The following EFCAB5 variants were observed in gnomAD, a reference collection of about 807,000 sequenced individuals.
EFCAB5 encodes the protein EF-hand calcium binding domain 5.
Under a neutral mutation model 167.9 loss-of-function variants are expected in EFCAB5, and 131 were observed. The observed-to-expected ratio is 0.78, with a 90% confidence interval of 0.68 to 0.90. EFCAB5 has a LOEUF of 0.90. Among genes scored for constraint, EFCAB5 ranks in the 40% least tolerant of loss-of-function variants. The pLI is 0.00. For missense variants in EFCAB5, 1,663 were observed against 1,745.2 expected, an observed-to-expected ratio of 0.95 and a Z score of 0.84; for synonymous variants, 574 against 602.8, an observed-to-expected ratio of 0.95 and a Z score of 0.70.
chr17:30,047,983 G>T (rs1184381292), intron 8 of EFCAB5, among the ~76,000 whole-genome samples: 1 of 152,166 alleles, frequency 6.6e-6, no homozygotes, highest in Non-Finnish European at 1.5e-5. Flanking sequence ...CCATTTATTA[G>T]GGTAAATATG....
At chr17:29,966,607 C>T (rs1379633030) in intron 3 of EFCAB5, among the ~76,000 whole-genome samples, 1 of 152,106 alleles carries the variant, frequency 6.6e-6, no homozygotes, top group Non-Finnish European at 1.5e-5. Flanking sequence ...TGATGTGTTA[C>T]TGTTGATGTT....
At chr17:29,989,086 C>A (rs1191528908) in intron 4 of EFCAB5, among the ~76,000 whole-genome samples, 1 of 152,120 alleles carries the variant, frequency 6.6e-6, no homozygotes. Flanking sequence ...AGGTCGTATC[C>A]AATTAATGTC....
At chr17:30,037,786 T>C (rs560051657) in intron 8 of EFCAB5, among the ~76,000 whole-genome samples, 77 of 152,088 alleles carry the variant, frequency 5.1e-4, no homozygotes, top group Non-Finnish European at 1.0e-3. Context: ...AAAATACACA[T>C]GCAAAGAAAA....
intron 4 of EFCAB5, among the ~76,000 whole-genome samples, chr17:29,985,682 T>C (rs768668657): frequency 6.6e-6 from 1 of 152,238 alleles, no homozygotes; most frequent in Non-Finnish European, 1.5e-5. Context: ...AAGGCACAGA[T>C]CGCTTATGCT....
chr17:29,960,117 C>T (rs372058001), intron 3 of EFCAB5, among the ~76,000 whole-genome samples: 13 of 152,124 alleles, frequency 8.5e-5, no homozygotes, highest in African/African-American at 3.1e-4. Flanking sequence ...GGCAACACTG[C>T]GTGACAATGC....
At position 30,078,319 on chromosome 17, in the gene EFCAB5, G is replaced by A. The variant is rs781329816; in HGVS notation, c.2842G>A (p.Gly948Ser). The change falls in exon 15 of 23, where the codon GGC (glycine) becomes AGC (serine). Residue 948 changes from glycine (G) to serine (S), a missense_variant. Gly to Ser is a moderately conservative substitution (Grantham distance 56). Transcript: ENST00000394835. ...YIELVVSELR[G>S]NEDQVLESVV... ...AGAATTGGTTGTGTCTGAACTCAGG[G>A]GCAATGAAGACCAAGTTCTGGAAAG... 6.2e-7 allele frequency: 1 copy of A among 1,613,972 alleles called. No homozygotes were observed. The highest frequency in any genetic ancestry group is 1.1e-5 in the South Asian group (1 of 91,086).
At chr17:29,944,206 G>T (rs1312378375) in intron 3 of EFCAB5, among the ~76,000 whole-genome samples, 2 of 151,850 alleles carry the variant, frequency 1.3e-5, no homozygotes, top group African/African-American at 2.4e-5. Flanking sequence ...CTCCAGAGTT[G>T]CTGGGACTAT....
At chr17:29,932,898 C>T (rs2067214166) in intron 1 of EFCAB5, among the ~76,000 whole-genome samples, 1 of 152,130 alleles carries the variant, frequency 6.6e-6, no homozygotes, top group Admixed American at 6.5e-5. Context: ...ACAAAATTCA[C>T]ATTGTTTGTA....
At chr17:29,993,926 C>T (rs573090717) in intron 5 of EFCAB5, among the ~76,000 whole-genome samples, 3 of 151,372 alleles carry the variant, frequency 2.0e-5, no homozygotes, top group African/African-American at 4.8e-5. Flanking sequence ...CGAGACCAGC[C>T]TAGGCAATAT....
intron 7 of EFCAB5, among the ~76,000 whole-genome samples, chr17:30,032,963 T>TA (rs1207325131): frequency 6.6e-6 from 1 of 152,164 alleles, no homozygotes; most frequent in African/African-American, 2.4e-5. Flanking sequence ...TGAATGGCCT[T>TA]AAGTGTTCCC....
intron 12 of EFCAB5, among the ~76,000 whole-genome samples, chr17:30,057,357 G>A (rs1412236221): frequency 6.6e-6 from 1 of 152,164 alleles, no homozygotes; most frequent in African/African-American, 2.4e-5. Context: ...GTCCCTAATA[G>A]TTCTTCCAAA....
At chr17:29,986,496 A>G (rs1009958736) in intron 4 of EFCAB5, among the ~76,000 whole-genome samples, 4 of 152,200 alleles carry the variant, frequency 2.6e-5, no homozygotes, top group Admixed American at 2.0e-4. Context: ...ATGATTCCAT[A>G]GGAATCGTTG....
At chr17:29,938,660 C>T (rs1006848562), upstream of EFCAB5, among the ~76,000 whole-genome samples, 1 of 152,236 alleles carries the variant, frequency 6.6e-6, no homozygotes, top group Admixed American at 6.5e-5. Context: ...TTCACAGTGT[C>T]TTCACCAGGA....
chr17:30,106,806 T>C (rs1360527392), intron 22 of EFCAB5, among the ~76,000 whole-genome samples: 2 of 152,156 alleles, frequency 1.3e-5, no homozygotes, highest in African/African-American at 4.8e-5. Context: ...TTCACATATA[T>C]TTTCTCAGCC....
chr17:30,053,242 T>G lies in EFCAB5; in HGVS notation c.1301-13T>G, dbSNP rs957241850. 1.3e-6 allele frequency: 2 copies of G among 1,569,662 alleles called. No individual in the cohort carries two copies. The highest frequency in any genetic ancestry group is 1.7e-6 in the Non-Finnish European group (2 of 1,159,602). On this transcript the variant is annotated splice_polypyrimidine_tract_variant and intron_variant, in intron 9 of 22. Transcript: ENST00000394835. ...ATCAATGGTTTAAGTGAATATTTTG[T>G]TTTCTGCATTAGGGCCATTCATTGA...
intron 4 of EFCAB5, among the ~76,000 whole-genome samples, chr17:29,970,655 CACACACACACACAT>C (rs1181285520): frequency 1.1e-4 from 16 of 145,636 alleles, no homozygotes; most frequent in African/African-American, 3.8e-4. Flanking sequence ...CACACACACA[CACACACACACACAT>C]ACACACACAC....
chr17:30,068,124 T>A (rs776505179), intron 14 of EFCAB5, among the ~76,000 whole-genome samples: 5 of 152,058 alleles, frequency 3.3e-5, no homozygotes, highest in Non-Finnish European at 5.9e-5. Context: ...GCTAACACGG[T>A]GAAACCCCGT....
At chr17:30,085,720 A>T (rs1407732225) in intron 18 of EFCAB5, among the ~76,000 whole-genome samples, 6 of 1,566 alleles carry the variant, frequency 3.8e-3, no homozygotes, top group African/African-American at 6.6e-3. Context: ...ACTCCGTCTC[A>T]AAAAAAAAAA....
chr17:30,104,115 G>A (rs1597580492), intron 22 of EFCAB5, among the ~76,000 whole-genome samples: 2 of 152,352 alleles, frequency 1.3e-5, no homozygotes, highest in East Asian at 3.9e-4. Context: ...CTTGGGGTAT[G>A]TGAAGCAATA....
Sources: allele counts gnomAD v4.1 joint callset (sites outside exome capture counted in the v4.1 genomes callset), GRCh38; gene constraint gnomAD v4.1.1; transcripts MANE v1.5; gene names NCBI Gene and HGNC (gene_info 2026-07-23, HGNC 2026-07-21).